Variants in PRDM10 observed in about 807,000 individuals in gnomAD.
The protein encoded by PRDM10 is PR/SET domain 10.
A neutral mutation model predicts 133.1 loss-of-function variants in PRDM10; 65 were observed. That is an observed-to-expected ratio of 0.49 (90% CI 0.40 to 0.60). PRDM10 has a LOEUF of 0.60. Ranked by LOEUF, PRDM10 falls within the 20% of genes least tolerant of loss-of-function variation. PRDM10 has a pLI of 0.00. For synonymous variants in PRDM10, 582 were observed against 580.4 expected (o/e 1.00, Z -0.04); for missense variants, 1,137 against 1,507.1 (o/e 0.75, Z 4.07).
intron 1 of PRDM10, among the ~76,000 whole-genome samples, chr11:129,990,674 T>C (rs1368483619): frequency 6.6e-6 from 1 of 152,196 alleles, no homozygotes; most frequent in Non-Finnish European, 1.5e-5. Flanking sequence ...TCTAGCTATG[T>C]TGCCTAGGCT....
chr11:129,961,285 G>GT (rs1482613763), intron 1 of PRDM10, among the ~76,000 whole-genome samples: 1 of 151,776 alleles, frequency 6.6e-6, no homozygotes, highest in African/African-American at 2.4e-5. Flanking sequence ...GCTCTTTGGG[G>GT]TTTTTTTGGG....
intron 16 of PRDM10, 53 bp from the exon 17 acceptor site, chr11:129,915,071 G>A (rs73016844): frequency 0.097 from 147,358 of 1,513,996 alleles, 7,395 homozygotes; most frequent in Non-Finnish European, 0.1. Flanking sequence ...GTGATTTTCC[G>A]TTTTTCTCAT....
chr11:129,926,736 T>G (rs1950689940), intron 11 of PRDM10, among the ~76,000 whole-genome samples: 1 of 152,224 alleles, frequency 6.6e-6, no homozygotes, highest in Non-Finnish European at 1.5e-5. Context: ...CTGATGGGGC[T>G]GCTTCAGGGG....
At position 129,905,622 on chromosome 11, in the gene PRDM10, G is replaced by T. The variant is rs370951523; in HGVS notation, c.3267+16C>A. The stretch of plus-strand genomic sequence containing the variant: ...CAGGTTGGACAGGAAAAACCCGACC[G>T]AGTAGCGTAGCTTACCGAAGTAACC... On this transcript the variant is annotated intron_variant, in intron 20 of 20. Transcript: ENST00000360871. The T allele has an allele frequency of 1.9e-6, 3 of 1,603,082 alleles. No individual in the cohort carries two copies. The highest frequency in any genetic ancestry group is 1.7e-6 in the Non-Finnish European group (2 of 1,170,226).
chr11:129,939,880 T>C (rs73577203), intron 7 of PRDM10, among the ~76,000 whole-genome samples: 1,636 of 152,242 alleles, frequency 0.011, 23 homozygotes, highest in African/African-American at 0.037. Context: ...TTCAATCAAA[T>C]GGGAAAGCAC....
intron 1 of PRDM10, among the ~76,000 whole-genome samples, chr11:129,993,538 G>A (rs574172004): frequency 1.1e-4 from 16 of 151,964 alleles, no homozygotes; most frequent in Non-Finnish European, 2.1e-4. Context: ...AGGCTGGAGT[G>A]CAGTGGTGCG....
intron 12 of PRDM10, 47 bp downstream of exon 12, chr11:129,924,835 T>A: frequency 1.3e-6 from 2 of 1,502,324 alleles, no homozygotes; most frequent in Non-Finnish European, 1.8e-6. Context: ...GAAGTTTCTT[T>A]TACCAAAAGA....
In PRDM10 at chr11:129,923,462, A is replaced by C; in HGVS notation, c.1879-59T>G. On this transcript the variant is annotated intron_variant, in intron 12 of 20. Transcript: ENST00000360871. This position sits in a 1 kb window ranked among gnomAD's most constrained non-coding sequence, Gnocchi z 4.4. ...CGCAGGCACCAAATGAAATGACCAA[A>C]GGCAGCTTGTCAACGCTAGAGGGAG... is the stretch of plus-strand genomic sequence containing the variant. 6.5e-7 allele frequency: 1 copy of C among 1,534,628 alleles called. No individual in the cohort carries two copies. Among genetic ancestry groups the C allele is most frequent in the South Asian group, 1.2e-5 (1 of 80,126 alleles).
intron 1 of PRDM10, among the ~76,000 whole-genome samples, chr11:129,988,829 C>T (rs954486529): frequency 2.6e-5 from 4 of 152,060 alleles, no homozygotes; most frequent in South Asian, 2.1e-4. Flanking sequence ...CGGGGTTTCA[C>T]CGTGTTAGCC....
At chr11:129,912,615 G>A (rs1284426780) in intron 17 of PRDM10, among the ~76,000 whole-genome samples, 1 of 152,144 alleles carries the variant, frequency 6.6e-6, no homozygotes, top group Non-Finnish European at 1.5e-5. Flanking sequence ...AGCTGGGTGT[G>A]GCGGCAGGCA....
rs138193141 is a variant in PRDM10, at chr11:129,993,693, C to T, written c.-119+9029G>A. ...TAGAGACGGGGTTTCACCATGTTAG[C>T]CAGGATGGTCTTGATCTCCTGACCT... On this transcript the variant is annotated intron_variant, in intron 1 of 20. Coordinates refer to ENST00000360871, the MANE Select transcript of PRDM10 (RefSeq NM_199437.2). Among the ~76,000 whole-genome samples, 1,044 of 152,226 alleles carry T rather than the reference C, an allele frequency of 6.9e-3. 8 individuals carry two copies. The highest frequency in any genetic ancestry group is 0.011 in the Non-Finnish European group (758 of 68,012).
intron 9 of PRDM10, among the ~76,000 whole-genome samples, chr11:129,934,663 A>G (rs1049934287): frequency 3.9e-5 from 6 of 152,154 alleles, no homozygotes; most frequent in African/African-American, 1.4e-4. Context: ...ATAAGGCCCT[A>G]CCTGATCTGG....
rs1951726069 is a variant in PRDM10, at chr11:129,957,861, T to C, written c.119A>G (p.Asp40Gly). Residue 40 changes from aspartate to glycine, a missense_variant, in exon 3 of 21, where the codon GAT (aspartate) becomes GGT (glycine). By Grantham distance (94) the Asp-to-Gly change is moderately conservative. Around this residue, in one of 6 missense-constraint regions of PRDM10, gnomAD observed 635 missense variants for 835.2 expected, o/e 0.76. Coordinates refer to ENST00000360871, the MANE Select transcript of PRDM10 (RefSeq NM_199437.2). ...CTGCTGTGGGGGGCGAACCTGGTCA[T>C]CGGTATAGACAATCTGAGCCACTGT... Reference protein sequence around the residue: ...TGTVAQIVYTDDQVRPPQQVV... With the variant: ...TGTVAQIVYTGDQVRPPQQVV... 2 of 1,614,034 alleles carry C rather than the reference T, an allele frequency of 1.2e-6. No homozygotes were observed. Among genetic ancestry groups the C allele is most frequent in the Non-Finnish European group, 8.5e-7 (1 of 1,179,946 alleles).
rs1026012655 is a variant in PRDM10, at chr11:129,915,990, T to A, written c.2326-130A>T. 4.1e-5 allele frequency: 33 copies of A among 809,948 alleles called. No homozygotes were observed. In the African/African-American group the frequency reaches 5.6e-4, roughly 14 times the overall value. 50.2% of individuals were successfully genotyped at this position (809,948 alleles called of 1,614,324 possible). On this transcript the variant is annotated intron_variant, in intron 15 of 20. Transcript: ENST00000360871. ...TAGCCCCAAATAAAATATATTAATA[T>A]GTATATTAACAGATCTATTGAAGAG...
At chr11:129,957,296 A>G (rs1010417718) in intron 3 of PRDM10, among the ~76,000 whole-genome samples, 13 of 152,138 alleles carry the variant, frequency 8.5e-5, no homozygotes, top group African/African-American at 2.9e-4. Flanking sequence ...TCCTCTGCCA[A>G]GTTGGTTACA....
chr11:129,976,749 T>C (rs1694712980), intron 1 of PRDM10, among the ~76,000 whole-genome samples: 1 of 151,956 alleles, frequency 6.6e-6, no homozygotes, highest in African/African-American at 2.4e-5. Flanking sequence ...ATTTTAGAAC[T>C]CAGAAAAGAA....
chr11:129,970,545 C>CTT lies in PRDM10; in HGVS notation c.-118-9465_-118-9464dup, dbSNP rs35299145. The stretch of plus-strand genomic sequence containing the variant: ...GAACCATGTAACAATCATACCCAAC[C>CTT]TTTTTTTTTTTTTTTCTCGAGATGG... On this transcript the variant is annotated intron_variant, in intron 1 of 20. Transcript: ENST00000360871. 2.6e-3 allele frequency among the ~76,000 whole-genome samples: 377 copies of CTT among 143,668 alleles called. 2 individuals carry two copies. The highest frequency in any genetic ancestry group is 8.6e-3 in the African/African-American group (337 of 39,154). 94.3% of individuals were successfully genotyped at this position (143,668 alleles called of 152,430 possible).
intron 12 of PRDM10, among the ~76,000 whole-genome samples, chr11:129,924,359 G>A (rs571629061): frequency 6.6e-6 from 1 of 152,322 alleles, no homozygotes; most frequent in South Asian, 2.1e-4. Flanking sequence ...GAAATCATGA[G>A]TATTCTGAAA....
Position 129,915,675 on chromosome 11 carries a change from C to T in PRDM10, c.2511G>A (p.Lys837=), listed in dbSNP as rs1178219509. The change falls in exon 16 of 21, where the codon AAG becomes AAA. Residue 837 remains lysine (K), a synonymous_variant. Transcript: ENST00000360871. ...TPPVCCPHCS[K]QYSSKTKMVQ... ...CTCCCCCTACCTTGCTGCTGTACTG[C>T]TTGGAGCAGTGGGGACAGCAGACGG... 6.2e-7 allele frequency: 1 copy of T among 1,609,998 alleles called. No homozygotes were observed. Among genetic ancestry groups the T allele is most frequent in the African/African-American group, 1.3e-5 (1 of 74,790 alleles).
Sources: allele counts gnomAD v4.1 joint callset (sites outside exome capture counted in the v4.1 genomes callset), GRCh38; gene constraint gnomAD v4.1.1; regional missense constraint gnomAD v4.1.1; non-coding constraint Gnocchi (gnomAD v3.1); transcripts MANE v1.5; gene names NCBI Gene and HGNC (gene_info 2026-07-23, HGNC 2026-07-21).